Variants in DRC11 observed in about 807,000 individuals in gnomAD.
The protein encoded by DRC11 is IQ and AAA domain-containing protein 1.
At chr2:236,344,575 A>C in the DRC11 span, 1 of 1,613,496 alleles carries the variant, frequency 6.2e-7, no homozygotes, top group South Asian at 1.1e-5. Context: ...CTGCGTTGGG[A>C]ACTTTTTTGT....
the DRC11 span, among the ~76,000 whole-genome samples, chr2:236,329,605 C>G: frequency 2.6e-4 from 40 of 152,110 alleles, no homozygotes; most frequent in Middle Eastern, 3.4e-3. Flanking sequence ...TAGAAGGAAC[C>G]ATAGCAATGG....
chr2:236,487,998 AC>A, the DRC11 span: 2 of 1,570,958 alleles, frequency 1.3e-6, no homozygotes, highest in Non-Finnish European at 1.7e-6. Context: ...CTAGGTTTGC[AC>A]CTTCTGAATG....
At chr2:236,500,467 C>A in the DRC11 span, among the ~76,000 whole-genome samples, 3 of 152,274 alleles carry the variant, frequency 2.0e-5, no homozygotes, top group Admixed American at 6.5e-5. This position sits in a 1 kb window ranked among gnomAD's most constrained non-coding sequence, Gnocchi z 6.3. Flanking sequence ...ACTCTTCCCC[C>A]CAACACCCCA....
chr2:236,482,636 T>C, the DRC11 span, among the ~76,000 whole-genome samples: 1 of 152,208 alleles, frequency 6.6e-6, no homozygotes, highest in African/African-American at 2.4e-5. The surrounding 1 kb of genome is among the most constrained non-coding windows in gnomAD (Gnocchi z 4.5). Context: ...TAGTTTAGCA[T>C]ATCTGAAATT....
At chr2:236,356,081 C>G in the DRC11 span, among the ~76,000 whole-genome samples, 4 of 152,244 alleles carry the variant, frequency 2.6e-5, no homozygotes, top group South Asian at 8.3e-4. Flanking sequence ...CTACAGCTGA[C>G]ACTGCCTCGG....
the DRC11 span, among the ~76,000 whole-genome samples, chr2:236,357,960 TAATATATGAATATATACTCATATATAAA>T: frequency 9.9e-6 from 1 of 101,018 alleles, no homozygotes; most frequent in Non-Finnish European, 1.9e-5. Flanking sequence ...TAAATATATA[TAATATATGAATATATACTCATATATAAA>T]TATATATGAA....
chr2:236,441,964 A>G, the DRC11 span, among the ~76,000 whole-genome samples: 1 of 152,112 alleles, frequency 6.6e-6, no homozygotes, highest in East Asian at 1.9e-4. Flanking sequence ...GGCTGGGCGC[A>G]GTGTTTCACG....
At chr2:236,460,903 C>T in the DRC11 span, among the ~76,000 whole-genome samples, 3 of 152,038 alleles carry the variant, frequency 2.0e-5, no homozygotes, top group Non-Finnish European at 4.4e-5. This position sits in a 1 kb window ranked among gnomAD's most constrained non-coding sequence, Gnocchi z 4.0. Flanking sequence ...TACAGGCGTC[C>T]GCCACCATGT....
At chr2:236,414,684 T>C in the DRC11 span, among the ~76,000 whole-genome samples, 3 of 152,278 alleles carry the variant, frequency 2.0e-5, no homozygotes, top group East Asian at 5.8e-4. Context: ...CATCCCAGAA[T>C]GTTCTGTTTT....
chr2:236,404,161 T>TAAAAAAAAAAAAAAAAA, the DRC11 span, among the ~76,000 whole-genome samples: 4 of 91,532 alleles, frequency 4.4e-5, no homozygotes, highest in Non-Finnish European at 4.6e-5. Flanking sequence ...AATGGAGAGT[T>TAAAAAAAAAAAAAAAAA]AAAAAAAAAA....
the DRC11 span, among the ~76,000 whole-genome samples, chr2:236,424,997 T>A: frequency 6.6e-6 from 1 of 152,220 alleles, no homozygotes; most frequent in East Asian, 1.9e-4. Context: ...GAAATTTCCT[T>A]CTTTTTTAAA....
chr2:236,504,926 C>T, the DRC11 span, among the ~76,000 whole-genome samples: 12 of 152,306 alleles, frequency 7.9e-5, no homozygotes, highest in Admixed American at 7.8e-4. The surrounding 1 kb of genome is among the most constrained non-coding windows in gnomAD (Gnocchi z 5.0). Context: ...AACTGTTAGT[C>T]AATTAAACCT....
the DRC11 span, chr2:236,441,194 CTT>C: frequency 9.6e-7 from 1 of 1,046,354 alleles, no homozygotes; most frequent in Non-Finnish European, 1.5e-6. Flanking sequence ...CATTTATTTG[CTT>C]ATGTTCATTT....
At chr2:236,316,569 TAAG>T in the DRC11 span, among the ~76,000 whole-genome samples, 1 of 152,250 alleles carries the variant, frequency 6.6e-6, no homozygotes, top group African/African-American at 2.4e-5. The surrounding 1 kb of genome is among the most constrained non-coding windows in gnomAD (Gnocchi z 6.8). Flanking sequence ...ATAAAATTAA[TAAG>T]AAAGAAATAG....
chr2:236,363,524 T>C, the DRC11 span, among the ~76,000 whole-genome samples: 2 of 152,182 alleles, frequency 1.3e-5, no homozygotes, highest in Non-Finnish European at 2.9e-5. This position sits in a 1 kb window ranked among gnomAD's most constrained non-coding sequence, Gnocchi z 5.6. Flanking sequence ...CAATGAGACA[T>C]GAAAGCATTT....
the DRC11 span, among the ~76,000 whole-genome samples, chr2:236,412,302 G>C: frequency 2.0e-5 from 3 of 152,280 alleles, no homozygotes; most frequent in Admixed American, 6.5e-5. Context: ...TCATGGTGCT[G>C]GATTTCTTCC....
At chr2:236,356,500 C>A in the DRC11 span, among the ~76,000 whole-genome samples, 4 of 152,050 alleles carry the variant, frequency 2.6e-5, no homozygotes, top group Non-Finnish European at 4.4e-5. Context: ...TGGGGGGCCA[C>A]GCGACGGTCT....
At chr2:236,320,102 G>T in the DRC11 span, among the ~76,000 whole-genome samples, 1 of 152,226 alleles carries the variant, frequency 6.6e-6, no homozygotes, top group Non-Finnish European at 1.5e-5. Flanking sequence ...GTGAATTTGA[G>T]TGCAGCAGAA....
chr2:236,336,244 A>C, the DRC11 span, among the ~76,000 whole-genome samples: 1 of 152,214 alleles, frequency 6.6e-6, no homozygotes, highest in African/African-American at 2.4e-5. This position sits in a 1 kb window ranked among gnomAD's most constrained non-coding sequence, Gnocchi z 7.3. Context: ...AGCTGTTTAT[A>C]GCATGCAGGG....
Sources: allele counts gnomAD v4.1 joint callset (sites outside exome capture counted in the v4.1 genomes callset), GRCh38; gene constraint gnomAD v4.1.1; non-coding constraint Gnocchi (gnomAD v3.1); transcripts MANE v1.5; gene names NCBI Gene and HGNC (gene_info 2026-07-23, HGNC 2026-07-21).